The following WNK3 variants were observed in gnomAD, a reference collection of about 807,000 sequenced individuals.
The protein encoded by WNK3 is serine/threonine-protein kinase WNK3.
A neutral mutation model predicts 116.7 loss-of-function variants in WNK3; 18 were observed. The ratio of observed to expected loss-of-function variants is 0.15; its 90% CI spans 0.11 to 0.23. WNK3 has a LOEUF of 0.23. Among genes scored for constraint, WNK3 ranks in the 10% least tolerant of loss-of-function variants. The probability of loss-of-function intolerance (pLI) is 1.00; values close to 1 mark genes in which losing one functional copy is unlikely to be tolerated. For synonymous variants in WNK3, 404 were observed against 469.4 expected, an observed-to-expected ratio of 0.86 and a Z score of 1.80; for missense variants, 993 against 1,323.8, an observed-to-expected ratio of 0.75 and a Z score of 3.88.
intron 1 of WNK3, among the ~76,000 whole-genome samples, chrX:54,336,656 A>T (rs2069242356): frequency 9.0e-6 from 1 of 111,374 alleles, no homozygotes; most frequent in Non-Finnish European, 1.9e-5. Context: ...GATAGACACC[A>T]GGGACTTCTA....
At chrX:54,211,112 C>A (rs956799161) in intron 22 of WNK3, among the ~76,000 whole-genome samples, 7 of 111,546 alleles carry the variant, frequency 6.3e-5, no homozygotes, top group African/African-American at 2.3e-4. Context: ...ACAGGGAGAT[C>A]TGAGAAGTGA....
chrX:54,294,778 G>C (rs782070721), exon 8 of WNK3: 11 of 1,209,867 alleles, frequency 9.1e-6, no homozygotes, highest in Non-Finnish European at 3.4e-6. Flanking sequence ...TTCTTTATTG[G>C]CGTCACCCGG....
At chrX:54,335,458 T>A (rs1557175221) in intron 1 of WNK3, among the ~76,000 whole-genome samples, 1 of 111,760 alleles carries the variant, frequency 8.9e-6, no homozygotes, top group Admixed American at 9.6e-5. Flanking sequence ...GTTTTTCAAG[T>A]GAGTAGTCAA....
intron 11 of WNK3, among the ~76,000 whole-genome samples, chrX:54,256,496 A>G (rs1030022892): frequency 6.2e-5 from 7 of 112,038 alleles, no homozygotes; most frequent in African/African-American, 1.9e-4. Flanking sequence ...ATTATTATGA[A>G]AGGGGAGGCT....
intron 22 of WNK3, among the ~76,000 whole-genome samples, chrX:54,216,095 G>A (rs1384063483): frequency 1.8e-5 from 2 of 109,546 alleles, no homozygotes; most frequent in Admixed American, 9.9e-5. Context: ...CTCGTTAAGA[G>A]TCATCACCAC....
At chrX:54,223,073 C>A (rs2067789945) in intron 22 of WNK3, among the ~76,000 whole-genome samples, 1 of 107,057 alleles carries the variant, frequency 9.3e-6, no homozygotes. Context: ...ACAAAGATAA[C>A]AAAATGACAG....
chrX:54,355,691 T>C (rs1002037904), intron 1 of WNK3, among the ~76,000 whole-genome samples: 3 of 110,684 alleles, frequency 2.7e-5, no homozygotes, highest in African/African-American at 9.8e-5. Flanking sequence ...CAATCAAGAG[T>C]TCCTAATTCA....
intron 1 of WNK3, among the ~76,000 whole-genome samples, chrX:54,339,163 C>A (rs781850174): frequency 1.1e-3 from 117 of 110,955 alleles, no homozygotes; most frequent in Non-Finnish European, 1.2e-3. Flanking sequence ...ACCATAAACG[C>A]ATCTAACAAC....
At chrX:54,269,138 A>G (rs1557158631) in intron 10 of WNK3, among the ~76,000 whole-genome samples, 1 of 111,259 alleles carries the variant, frequency 9.0e-6, no homozygotes, top group East Asian at 2.8e-4. Flanking sequence ...AACTTCAAAC[A>G]AACCCAAACT....
chrX:54,252,200 C>G (rs1447684214), intron 13 of WNK3, among the ~76,000 whole-genome samples: 1 of 111,096 alleles, frequency 9.0e-6, no homozygotes, highest in Non-Finnish European at 1.9e-5. Context: ...TTAAATTATT[C>G]TGAGACTACT....
chrX:54,337,213 A>G (rs2069250836), intron 1 of WNK3, among the ~76,000 whole-genome samples: 1 of 111,617 alleles, frequency 9.0e-6, no homozygotes, highest in African/African-American at 3.3e-5. Flanking sequence ...TAAGCCAGAG[A>G]ATTTAAGTTG....
chrX:54,354,607 T>C (rs913623075), intron 1 of WNK3, among the ~76,000 whole-genome samples: 1 of 111,065 alleles, frequency 9.0e-6, no homozygotes, highest in Non-Finnish European at 1.9e-5. Context: ...GATGGGTTGA[T>C]AGGTGCAGCA....
chrX:54,216,217 C>T (rs1202318693), intron 22 of WNK3, among the ~76,000 whole-genome samples: 1 of 108,870 alleles, frequency 9.2e-6, no homozygotes, highest in Non-Finnish European at 1.9e-5. Flanking sequence ...TGCTGACCTT[C>T]CCTCCACTAT....
chrX:54,304,178 G>A (rs1557168142), intron 5 of WNK3, among the ~76,000 whole-genome samples: 1 of 110,714 alleles, frequency 9.0e-6, no homozygotes, highest in East Asian at 2.8e-4. Flanking sequence ...CAGGCATCAC[G>A]TCATTTCACC....
intron 10 of WNK3, among the ~76,000 whole-genome samples, chrX:54,265,999 GA>G (rs1226381880): frequency 1.4e-4 from 14 of 102,688 alleles, no homozygotes; most frequent in East Asian, 9.1e-4. Context: ...ACAAGACAGC[GA>G]AAAAAAAAAA....
intron 10 of WNK3, among the ~76,000 whole-genome samples, chrX:54,266,264 T>A (rs868983282): frequency 9.0e-6 from 1 of 110,524 alleles, no homozygotes; most frequent in African/African-American, 3.3e-5. Flanking sequence ...CTCATAGAGA[T>A]AGAAAGTAGA....
chrX:54,273,724 G>A (rs2068410247), intron 10 of WNK3, among the ~76,000 whole-genome samples: 1 of 111,680 alleles, frequency 9.0e-6, no homozygotes, highest in Non-Finnish European at 1.9e-5. Context: ...GAAAACTATT[G>A]CAAAGTTAGG....
chrX:54,285,499 TGGCAATATTCTCTATCAGGTG>T (rs1184778051), intron 10 of WNK3, among the ~76,000 whole-genome samples: 1 of 112,546 alleles, frequency 8.9e-6, no homozygotes, highest in African/African-American at 3.2e-5. Flanking sequence ...TCTGGAGTAA[TGGCAATATTCTCTATCAGGTG>T]GGCAAGCCAC....
At chrX:54,228,669 A>AT in intron 22 of WNK3, 45 bp downstream of exon 22, 1 of 459,653 alleles carries the variant, frequency 2.2e-6, no homozygotes, top group East Asian at 3.7e-5. Context: ...TAAAACTGTA[A>AT]TTTTTTAAAA....
Sources: allele counts gnomAD v4.1 joint callset (sites outside exome capture counted in the v4.1 genomes callset), GRCh38; gene constraint gnomAD v4.1.1; transcripts MANE v1.5; gene names NCBI Gene and HGNC (gene_info 2026-07-23, HGNC 2026-07-21).